CLPB: variants seen among roughly 807,000 people sequenced by gnomAD.
The protein encoded by CLPB is ClpB family mitochondrial disaggregase, also known as mitochondrial disaggregase.
Under a neutral mutation model 78.4 loss-of-function variants are expected in CLPB, and 40 were observed. That is an observed-to-expected ratio of 0.51 (90% CI 0.40 to 0.66). CLPB has a LOEUF of 0.66. Ranked by LOEUF, CLPB falls within the 30% of genes least tolerant of loss-of-function variation. The pLI is 0.00. For synonymous variants in CLPB, 333 were observed against 348.0 expected (o/e 0.96, Z 0.48); for missense variants, 780 against 886.9 (o/e 0.88, Z 1.53).
chr11:72,348,135 G>A (rs1420094922), intron 5 of CLPB, among the ~76,000 whole-genome samples: 1 of 152,222 alleles, frequency 6.6e-6, no homozygotes, highest in African/African-American at 2.4e-5. Context: ...GTGATAACTT[G>A]TTACAGCAGC....
chr11:72,363,428 A>G (rs1309434954), intron 4 of CLPB: 2 of 152,148 alleles, frequency 1.3e-5, no homozygotes, highest in African/African-American at 4.8e-5. Context: ...TCTACTGGCC[A>G]CTCCCAGAAG....
intron 1 of CLPB, 35 bp from the exon 2 acceptor site, chr11:72,430,398 C>A: frequency 6.2e-7 from 1 of 1,603,584 alleles, no homozygotes; most frequent in South Asian, 1.1e-5. Context: ...AGATCCGCGG[C>A]CAGGACATAC....
chr11:72,360,755 T>A (rs1387381619), intron 4 of CLPB, among the ~76,000 whole-genome samples: 1 of 152,192 alleles, frequency 6.6e-6, no homozygotes, highest in Non-Finnish European at 1.5e-5. Flanking sequence ...AGATTTCACT[T>A]ACTGACCTTC....
chr11:72,324,277 T>TA lies in CLPB; in HGVS notation c.873+5429dup, dbSNP rs571893343. On this transcript the variant is annotated intron_variant, in intron 6 of 15. Coordinates refer to ENST00000538039, the MANE Select transcript of CLPB (RefSeq NM_001258392.3). ...ATTTCAATAAAAAGCTTTTAAAAGT[T>TA]AAAAAAAAGGCCAGGCATGGTGGCT... is the stretch of plus-strand genomic sequence containing the variant. Among the ~76,000 whole-genome samples the TA allele has an allele frequency of 3.3e-3, 499 of 151,672 alleles. 4 individuals carry two copies. The highest frequency in any genetic ancestry group is 4.7e-3 in the Non-Finnish European group (318 of 67,890).
At chr11:72,332,136 A>AT (rs756515904) in intron 5 of CLPB, among the ~76,000 whole-genome samples, 27 of 151,586 alleles carry the variant, frequency 1.8e-4, no homozygotes, top group African/African-American at 3.9e-4. Context: ...TGATAAATAT[A>AT]TTTTTTTTTA....
In CLPB at chr11:72,293,549, T is replaced by C. The variant is rs769564018; in HGVS notation, c.1852A>G (p.Thr618Ala). 3 of 1,614,016 alleles carry C rather than the reference T, an allele frequency of 1.9e-6. No individual in the cohort carries two copies. Among genetic ancestry groups the C allele is most frequent in the Non-Finnish European group, 2.5e-6 (3 of 1,179,972 alleles). ...YEQDLLPGGC[T>A]LRITVEDSDK... ...GAGTCCTCCACCGTGATGCGCAAAG[T>C]ACAGCCCCCTGGCAGCAGGTCCTGC... The change falls in exon 16 of 16, where the codon ACT becomes GCT. Residue 618 changes from threonine to alanine, a missense_variant. Physicochemically the swap from Thr to Ala is moderately conservative, Grantham distance 58 (BLOSUM62 0). Transcript: ENST00000538039.
rs993525471 is a variant in CLPB at position 72,387,807 on chromosome 11, G to A, written c.543-7423C>T. Among the ~76,000 whole-genome samples, 5 of 152,140 alleles carry A rather than the reference G, an allele frequency of 3.3e-5. No individual in the cohort carries two copies. The East Asian group carries it at 9.6e-4, about 29-fold the overall frequency. ...GCTGGAATAGTCCTGCGTTAAGAAG[G>A]CAGCTCTTCTATATTCTGCACAAGT... is the stretch of plus-strand genomic sequence containing the variant. On this transcript the variant is annotated intron_variant, in intron 3 of 15. Transcript: ENST00000538039.
At chr11:72,418,996 G>C (rs1426514144) in intron 2 of CLPB, among the ~76,000 whole-genome samples, 2 of 152,162 alleles carry the variant, frequency 1.3e-5, no homozygotes, top group Non-Finnish European at 2.9e-5. Context: ...CACAAAGGAG[G>C]CAGGACATAG....
chr11:72,302,185 G>A (rs1371803103), intron 10 of CLPB, 119 bp downstream of exon 10: 4 of 1,123,310 alleles, frequency 3.6e-6, no homozygotes, highest in Admixed American at 1.8e-5. Flanking sequence ...GCACACCTGT[G>A]CTCCCAACGA....
chr11:72,383,382 T>C (rs2135684238), intron 3 of CLPB, among the ~76,000 whole-genome samples: 1 of 151,664 alleles, frequency 6.6e-6, no homozygotes, highest in East Asian at 1.9e-4. Flanking sequence ...AATAAAAAAA[T>C]TAGCCAGGCG....
At position 72,308,050 on chromosome 11, in the gene CLPB, C is replaced by T. The variant is rs146717820; in HGVS notation, c.1066+477G>A. Among the ~76,000 whole-genome samples the T allele has an allele frequency of 4.6e-3, 706 of 152,268 alleles. 4 individuals carry two copies. Among genetic ancestry groups the T allele is most frequent in the Middle Eastern group, 0.041 (12 of 294 alleles). On this transcript the variant is annotated intron_variant, in intron 8 of 15. Transcript: ENST00000538039. The stretch of plus-strand genomic sequence containing the variant: ...AGGGGTAAGAATGCCTCGGATAATC[C>T]AGCCCAACTGGCTAGAAAAATACTC...
intron 5 of CLPB, among the ~76,000 whole-genome samples, chr11:72,339,405 A>C (rs1033620295): frequency 6.6e-6 from 1 of 152,234 alleles, no homozygotes; most frequent in African/African-American, 2.4e-5. Flanking sequence ...GATTCATTCT[A>C]CATGAATCCA....
intron 3 of CLPB, among the ~76,000 whole-genome samples, chr11:72,393,542 G>A (rs1590888360): frequency 1.3e-5 from 2 of 152,220 alleles, no homozygotes; most frequent in South Asian, 4.2e-4. Context: ...CTTCAACACA[G>A]GCAGCTTCAC....
chr11:72,303,043 G>GT (rs1949687948), intron 9 of CLPB: 1 of 152,378 alleles, frequency 6.6e-6, no homozygotes, highest in Admixed American at 6.5e-5. Context: ...GAGGGCCATG[G>GT]TTAGCCCTTG....
At chr11:72,362,820 A>G (rs1225725178) in intron 4 of CLPB, among the ~76,000 whole-genome samples, 3 of 152,226 alleles carry the variant, frequency 2.0e-5, no homozygotes, top group Non-Finnish European at 4.4e-5. Context: ...GCTTCACTTG[A>G]GGAATCCTGC....
intron 5 of CLPB, chr11:72,354,394 G>T: frequency 2.5e-6 from 1 of 398,070 alleles, no homozygotes; most frequent in Non-Finnish European, 4.4e-6. Flanking sequence ...AGGAACCTTG[G>T]TCAAGAAAAA....
intron 14 of CLPB, 75 bp from the exon 15 acceptor site, chr11:72,294,201 C>T (rs1489917007): frequency 6.2e-7 from 1 of 1,604,806 alleles, no homozygotes; most frequent in Admixed American, 1.7e-5. Context: ...GGCCTGAGGC[C>T]AGGGCCACTG....
At chr11:72,297,690 T>G (rs1481850163) in intron 11 of CLPB, among the ~76,000 whole-genome samples, 1 of 118,708 alleles carries the variant, frequency 8.4e-6, no homozygotes, top group East Asian at 2.6e-4. Context: ...TGTGTGTGTG[T>G]GTGTGTGTGT....
At chr11:72,396,720 C>T (rs1855417392) in intron 3 of CLPB, among the ~76,000 whole-genome samples, 1 of 151,902 alleles carries the variant, frequency 6.6e-6, no homozygotes, top group Non-Finnish European at 1.5e-5. Flanking sequence ...ATCTTCATTC[C>T]CTACTAAAAA....
Sources: gnomAD v4.1 joint callset for allele counts (sites outside exome capture counted in the v4.1 genomes callset) on GRCh38, gnomAD v4.1.1 for gene constraint, MANE v1.5 for transcripts, NCBI Gene and HGNC (gene_info 2026-07-23, HGNC 2026-07-21) for gene names.